The following UBXN7 variants were observed in gnomAD, a reference collection of about 807,000 sequenced individuals.
The protein encoded by UBXN7 is UBX domain-containing protein 7.
Under a neutral mutation model 58.0 loss-of-function variants are expected in UBXN7, and 9 were observed. The observed-to-expected ratio is 0.16, with a 90% confidence interval of 0.09 to 0.27. The LOEUF is 0.27. Ranked by LOEUF, UBXN7 falls within the 10% of genes least tolerant of loss-of-function variation. The pLI is 1.00. For synonymous variants in UBXN7, 208 were observed against 205.0 expected (o/e 1.01, Z -0.12); for missense variants, 328 against 599.6 (o/e 0.55, Z 4.73).
At chr3:196,418,245 G>C (rs1730566724) in intron 1 of UBXN7, among the ~76,000 whole-genome samples, 1 of 150,478 alleles carries the variant, frequency 6.6e-6, no homozygotes, top group Non-Finnish European at 1.5e-5. Context: ...AAGAAAGAAA[G>C]GAAGAAAAGA....
chr3:196,360,743 C>A (rs1051745449), intron 10 of UBXN7, among the ~76,000 whole-genome samples: 14 of 152,154 alleles, frequency 9.2e-5, no homozygotes, highest in African/African-American at 3.4e-4. Context: ...ATTTAAGAAA[C>A]ACATTTTGGC....
At chr3:196,420,564 C>T (rs959832462) in intron 1 of UBXN7, among the ~76,000 whole-genome samples, 1 of 151,676 alleles carries the variant, frequency 6.6e-6, no homozygotes, top group Non-Finnish European at 1.5e-5. Context: ...AATTAAAAAA[C>T]GGACTTATTT....
chr3:196,386,380 T>TAAA (rs34268326), intron 5 of UBXN7, among the ~76,000 whole-genome samples: 4 of 57,756 alleles, frequency 6.9e-5, no homozygotes, highest in African/African-American at 7.0e-5. Flanking sequence ...TAATAAACAC[T>TAAA]AAAAAAAAAA....
intron 5 of UBXN7, among the ~76,000 whole-genome samples, chr3:196,377,693 G>C (rs1478844200): frequency 6.6e-6 from 1 of 151,884 alleles, no homozygotes; most frequent in African/African-American, 2.4e-5. Flanking sequence ...TTGAGACAGG[G>C]TCTCACTGTG....
chr3:196,360,980 C>T (rs1728490040), intron 10 of UBXN7, among the ~76,000 whole-genome samples: 1 of 152,134 alleles, frequency 6.6e-6, no homozygotes, highest in Non-Finnish European at 1.5e-5. Context: ...CCAGCCTGGG[C>T]ATAAATACAG....
intron 5 of UBXN7, among the ~76,000 whole-genome samples, chr3:196,386,923 A>T (rs1243259168): frequency 6.6e-6 from 1 of 152,180 alleles, no homozygotes; most frequent in African/African-American, 2.4e-5. Context: ...AAGCAAAAAG[A>T]ACAAAGCTGG....
At chr3:196,389,391 T>G (rs937568813) in intron 5 of UBXN7, among the ~76,000 whole-genome samples, 10 of 152,240 alleles carry the variant, frequency 6.6e-5, no homozygotes, top group African/African-American at 2.4e-4. Flanking sequence ...GGTCAAATTA[T>G]CATCATTTGG....
Position 196,372,762 on chromosome 3 carries a change from T to C in UBXN7, c.469-720A>G, listed in dbSNP as rs372590625. Reference sequence around the variant, plus strand: ...CCTCCATCAACAATTTTTTTTTTTTTTGAGACGAGCTTTGCTCTTGTTGCC... The same window carrying C: ...CCTCCATCAACAATTTTTTTTTTTTCTGAGACGAGCTTTGCTCTTGTTGCC... On this transcript the variant is annotated intron_variant, in intron 5 of 10. Transcript: ENST00000296328. Among the ~76,000 whole-genome samples the C allele has an allele frequency of 4.4e-4, 67 of 152,224 alleles. 2 individuals carry two copies. The South Asian group carries it at 0.013, about 31-fold the overall frequency.
chr3:196,406,502 C>T (rs1349213493), intron 2 of UBXN7, among the ~76,000 whole-genome samples: 3 of 152,000 alleles, frequency 2.0e-5, no homozygotes, highest in Non-Finnish European at 4.4e-5. Context: ...TGTAGTGGCA[C>T]GATCTCTGGT....
At chr3:196,356,928 C>G in intron 10 of UBXN7, 82 bp from the exon 11 acceptor site, 1 of 1,484,028 alleles carries the variant, frequency 6.7e-7, no homozygotes, top group Non-Finnish European at 9.0e-7. Flanking sequence ...AAAACATTCT[C>G]TTTTTAATCA....
intron 8 of UBXN7, among the ~76,000 whole-genome samples, chr3:196,366,518 T>G (rs554153509): frequency 6.6e-6 from 1 of 151,912 alleles, no homozygotes; most frequent in Non-Finnish European, 1.5e-5. Context: ...GTTAATATCA[T>G]GCCACTGCAG....
chr3:196,401,847 G>T (rs1295535795), intron 3 of UBXN7, among the ~76,000 whole-genome samples: 2 of 149,844 alleles, frequency 1.3e-5, no homozygotes, highest in African/African-American at 2.5e-5. Flanking sequence ...GAAGAGAAGA[G>T]AAGAGAAGAG....
intron 1 of UBXN7, among the ~76,000 whole-genome samples, chr3:196,430,383 A>C (rs760111014): frequency 6.6e-6 from 1 of 151,840 alleles, no homozygotes; most frequent in African/African-American, 2.4e-5. Context: ...TAATAATAAT[A>C]ATAAGTGGCT....
At chr3:196,404,201 G>A (rs530980506) in intron 2 of UBXN7, among the ~76,000 whole-genome samples, 1 of 150,348 alleles carries the variant, frequency 6.7e-6, no homozygotes, top group East Asian at 2.0e-4. Flanking sequence ...TTATCTTCCT[G>A]CTTATAAGTA....
intron 6 of UBXN7, among the ~76,000 whole-genome samples, chr3:196,370,578 G>T (rs1728796685): frequency 6.6e-6 from 1 of 151,684 alleles, no homozygotes; most frequent in Non-Finnish European, 1.5e-5. Context: ...TAAAATACAA[G>T]GAATTTTACC....
intron 7 of UBXN7, among the ~76,000 whole-genome samples, chr3:196,368,927 A>G (rs971018894): frequency 2.0e-5 from 3 of 152,206 alleles, no homozygotes; most frequent in Non-Finnish European, 4.4e-5. Flanking sequence ...GGTTCAGGCC[A>G]TTCTCCTGCC....
chr3:196,347,819 A>T lies in UBXN7; in HGVS notation c.*8866T>A, dbSNP rs1728120751. On this transcript the variant is annotated 3_prime_UTR_variant, in exon 11 of 11. Coordinates refer to ENST00000296328, the MANE Select transcript of UBXN7 (RefSeq NM_015562.2). The stretch of plus-strand genomic sequence containing the variant: ...GTGAGCTGATGTCTTCAAAAGACTT[A>T]TCGTCCCACTCCCTTCCCTCCCCCA... The T allele has an allele frequency of 6.6e-6, 1 of 152,086 alleles. No homozygotes were observed. The highest frequency in any genetic ancestry group is 6.6e-5 in the Admixed American group (1 of 15,256). The allele number at this position is 152,086 out of a possible 1,614,324, so 9.4% of individuals were successfully genotyped here. A position where few individuals can be genotyped will look rare whatever the true frequency, so the allele number is the denominator to read the frequency against.
At chr3:196,375,532 A>G (rs1469989822) in intron 5 of UBXN7, among the ~76,000 whole-genome samples, 1 of 152,192 alleles carries the variant, frequency 6.6e-6, no homozygotes, top group African/African-American at 2.4e-5. Flanking sequence ...AATTATGTGA[A>G]TCAAGGACTG....
chr3:196,371,752 G>T, intron 6 of UBXN7, 144 bp downstream of exon 6: 7 of 998,088 alleles, frequency 7.0e-6, no homozygotes, highest in Non-Finnish European at 9.5e-6. Flanking sequence ...CAAAGTGCTG[G>T]GATTATAGGC....
Sources: gnomAD v4.1 joint callset for allele counts (sites outside exome capture counted in the v4.1 genomes callset) on GRCh38, gnomAD v4.1.1 for gene constraint, MANE v1.5 for transcripts, NCBI Gene and HGNC (gene_info 2026-07-23, HGNC 2026-07-21) for gene names.